TTN: variants seen among roughly 807,000 people sequenced by gnomAD.
The protein encoded by TTN is connectin.
In TTN, 1,525 loss-of-function variants were observed where a neutral mutation model predicts 3,223.0. The ratio of observed to expected loss-of-function variants is 0.47; its 90% CI spans 0.45 to 0.49. The LOEUF is 0.49. TTN is among the 20% of genes least tolerant of loss of function. TTN has a pLI of 0.00. For missense variants in TTN, 40,786 were observed against 43,424.0 expected, an observed-to-expected ratio of 0.94 and a Z score of 5.40; for synonymous variants, 14,094 against 15,161.0, an observed-to-expected ratio of 0.93 and a Z score of 5.17.
chr2:178,729,595 T>A (rs1222402362), intron 63 of TTN, 29 bp from the exon 64 acceptor site: 31 of 1,612,384 alleles, frequency 1.9e-5, no homozygotes, highest in Non-Finnish European at 2.6e-5. Context: ...GACAGTAGCT[T>A]ACTCAAGGGA....
rs373628708 is a variant in TTN at position 178,610,128 on chromosome 2, A to G, written c.51398T>C (p.Ile17133Thr). 4 of 1,612,822 alleles carry G rather than the reference A, an allele frequency of 2.5e-6. No homozygotes were observed. The highest frequency in any genetic ancestry group is 1.3e-5 in the African/African-American group (1 of 74,862). The part of the protein sequence containing the change: ...AVNKVGGGEY[I>T]ELKNPVIAQD... Reference sequence around the variant, plus strand: ...AGCAATGACTGGATTTTTCAGTTCAATATATTCTCCTCCACCAACCTTGTT... The same window carrying G: ...AGCAATGACTGGATTTTTCAGTTCAGTATATTCTCCTCCACCAACCTTGTT... The change falls in exon 271 of 363, where the codon ATT (isoleucine) becomes ACT (threonine). Residue 17133 changes from isoleucine to threonine, a missense_variant. By Grantham distance (89) the Ile-to-Thr change is moderately conservative. Transcript: ENST00000589042.
At chr2:178,669,302 A>C in intron 159 of TTN, 71 bp downstream of exon 159, 1 of 1,286,686 alleles carries the variant, frequency 7.8e-7, no homozygotes, top group African/African-American at 1.5e-5. Flanking sequence ...TTTCAAAGCT[A>C]AAAAGACAAA....
In TTN at chr2:178,633,421, G is replaced by C; in HGVS notation, c.42938C>G (p.Thr14313Ser). 1 of 1,613,382 alleles carries C rather than the reference G, an allele frequency of 6.2e-7. No homozygotes were observed. The highest frequency in any genetic ancestry group is 2.2e-5 in the East Asian group (1 of 44,758). The change falls in exon 232 of 363, where the codon ACT becomes AGT. Residue 14313 changes from threonine to serine, a missense_variant. Coordinates refer to ENST00000589042, the MANE Select transcript of TTN (RefSeq NM_001267550.2). ...CGTDKTKANV[T>S]VEARLIKVEK... ...ATTGTTGAGCAACTCACCCTCAACA[G>C]TAACATTTGCCTTGGTCTTGTCTGT... is the stretch of plus-strand genomic sequence containing the variant.
rs2069775711 is a variant in TTN, at chr2:178,682,782, A to G, written c.33009T>C (p.Tyr11003=). ...ATTGGTCATATTCTTCTGTTGGTTC[A>G]TACTCCTCAAATTCTTTATAATCAT... ...EEYDYKEFEE[Y]EPTEEYDQYE... Residue 11003 remains tyrosine, a synonymous_variant, in exon 135 of 363, where the codon TAT becomes TAC. Transcript: ENST00000589042. 6.2e-7 allele frequency: 1 copy of G among 1,612,968 alleles called. No homozygotes were observed. Among genetic ancestry groups the G allele is most frequent in the Non-Finnish European group, 8.5e-7 (1 of 1,179,264 alleles).
At position 178,566,923 on chromosome 2, in the gene TTN, C is replaced by A. The variant is rs1706091561; in HGVS notation, c.79209G>T (p.Met26403Ile). Reference protein sequence around the residue: ...LEVTNIAKDSMTVCWNRPDSD... With the variant: ...LEVTNIAKDSITVCWNRPDSD... ...TATCTGGACGGTTCCAACAGACGGT[C>A]ATGGAGTCTTTGGCAATATTTGTGA... Residue 26403 changes from methionine to isoleucine, a missense_variant, in exon 326 of 363, where the codon ATG (methionine) becomes ATT (isoleucine). Transcript: ENST00000589042. The A allele has an allele frequency of 2.5e-6, 4 of 1,613,630 alleles. No individual in the cohort carries two copies. The highest frequency in any genetic ancestry group is 8.5e-7 in the Non-Finnish European group (1 of 1,179,686).
At chr2:178,599,506 T>C (rs1349008230) in intron 289 of TTN, 48 bp downstream of exon 289, 14 of 1,519,132 alleles carry the variant, frequency 9.2e-6, no homozygotes, top group Non-Finnish European at 1.2e-5. Flanking sequence ...CAAATGTTAT[T>C]TATGAACAGA....
At position 178,567,314 on chromosome 2, in the gene TTN, C is replaced by T; in HGVS notation, c.78818G>A (p.Gly26273Asp). 1 of 1,606,462 alleles carries T rather than the reference C, an allele frequency of 6.2e-7. No individual in the cohort carries two copies. The change falls in exon 326 of 363, where the codon GGT (glycine) becomes GAT (aspartate). Residue 26273 changes from glycine (G) to aspartate (D), a missense_variant. Coordinates refer to ENST00000589042, the MANE Select transcript of TTN (RefSeq NM_001267550.2). The part of the protein sequence containing the change: ...QYILRASNVA[G>D]SKSFPVNVKV... ...TACATTTACTGGGAATGACTTAGAA[C>T]CTGCAACATTGGAAGCTCTTAAAAT...
chr2:178,794,963 C>G lies in TTN; in HGVS notation c.1204G>C (p.Ala402Pro). Residue 402 changes from alanine (A) to proline (P), a missense_variant, in exon 7 of 363, where the codon GCT (alanine) becomes CCT (proline). Physicochemically the swap from Ala to Pro is conservative, Grantham distance 27. Transcript: ENST00000589042. ...AGAAASVSAS[A>P]SYAAEAVATG... ...GCAACAGCCTCTGCTGCGTAGCTAG[C>G]ACTGGCCGACACACTGGCGGCAGCA... 6.2e-7 allele frequency: 1 copy of G among 1,605,438 alleles called. No individual in the cohort carries two copies. Among genetic ancestry groups the G allele is most frequent in the East Asian group, 2.2e-5 (1 of 44,882 alleles).
At position 178,530,884 on chromosome 2, in the gene TTN, G is replaced by A. The variant is rs2154133075; in HGVS notation, c.105731C>T (p.Pro35244Leu). 1.2e-6 allele frequency: 2 copies of A among 1,613,806 alleles called. No individual in the cohort carries two copies. Among genetic ancestry groups the A allele is most frequent in the Non-Finnish European group, 1.7e-6 (2 of 1,179,844 alleles). The change falls in exon 358 of 363, where the codon CCA (proline) becomes CTA (leucine). Residue 35244 changes from proline (P) to leucine (L), a missense_variant. Transcript: ENST00000589042. ...TCGTTTTGGAGACTTAACTGCTTCT[G>A]GGGATTTCACCCGAGGCTCTGGGGA... The part of the protein sequence containing the change: ...VKSPEPRVKS[P>L]EAVKSPKRVK...
In TTN at chr2:178,664,109, A is replaced by G. The variant is rs763712438; in HGVS notation, c.36281-11T>C. 18 of 1,602,770 alleles carry G rather than the reference A, an allele frequency of 1.1e-5. No homozygotes were observed. Among genetic ancestry groups the G allele is most frequent in the Non-Finnish European group, 1.4e-5 (16 of 1,176,432 alleles). ...TGGGAGCTTCGTGCACTTGAAAGAT[A>G]TTAGTATTTTTACACTCAGAAAATA... On this transcript the variant is annotated splice_polypyrimidine_tract_variant and intron_variant, in intron 168 of 362. Transcript: ENST00000589042.
chr2:178,533,733 T>G lies in TTN; in HGVS notation c.102882A>C (p.Ser34294=). The part of the protein sequence containing the change: ...HPEPHVTWYK[S]GQKIKPGDND... ...TGTCACCTGGTTTGATTTTCTGACC[T>G]GATTTATACCATGTTACATGAGGCT... The change falls in exon 358 of 363, where the codon TCA becomes TCC. Residue 34294 remains serine, a synonymous_variant. Transcript: ENST00000589042. The G allele has an allele frequency of 6.2e-7, 1 of 1,613,986 alleles. No homozygotes were observed. The highest frequency in any genetic ancestry group is 8.5e-7 in the Non-Finnish European group (1 of 1,179,878).
chr2:178,750,119 C>T, intron 47 of TTN: 1 of 1,613,090 alleles, frequency 6.2e-7, no homozygotes, highest in Admixed American at 1.7e-5. Context: ...TTCTGTGTCT[C>T]CAGAGGGAGG....
In TTN at chr2:178,646,036, AAG is replaced by A. The variant is rs1281531331; in HGVS notation, c.40298-8_40298-7del. 1 of 1,521,038 alleles carries A rather than the reference AAG, an allele frequency of 6.6e-7. No homozygotes were observed. The highest frequency in any genetic ancestry group is 2.2e-5 in the Admixed American group (1 of 45,976). 94.2% of individuals were successfully genotyped at this position (1,521,038 alleles called of 1,614,324 possible). A position where few individuals can be genotyped will look rare whatever the true frequency, so the allele number is the denominator to read the frequency against. ...AACCTTTTCAGGTTCAGGTTCTTGA[AAG>A]AGTATTTCAGAGGTGTTAGTATATG... On this transcript the variant is annotated splice_region_variant and splice_polypyrimidine_tract_variant and intron_variant, in intron 216 of 362. Transcript: ENST00000589042.
Position 178,539,375 on chromosome 2 carries a change from C to CACTT in TTN, c.98683+3_98683+6dup, listed in dbSNP as rs774207808. 1 of 1,607,964 alleles carries CACTT rather than the reference C, an allele frequency of 6.2e-7. No homozygotes were observed. Among genetic ancestry groups the CACTT allele is most frequent in the Non-Finnish European group, 8.5e-7 (1 of 1,175,490 alleles). On this transcript the variant is annotated splice_region_variant and intron_variant, in intron 352 of 362. Transcript: ENST00000589042. ...GTTTATAATTTTGTGGTTGAAAGGG[C>CACTT]ACTTACTCAATGGTGTTTTTGGTGT...
chr2:178,581,286 T>C (rs2047681823), intron 316 of TTN, among the ~76,000 whole-genome samples: 1 of 152,146 alleles, frequency 6.6e-6, no homozygotes, highest in Admixed American at 6.5e-5. Context: ...TTCTTATATA[T>C]ATGAAAAGCT....
At chr2:178,727,951 T>C in intron 67 of TTN, 88 bp from the exon 68 acceptor site, 3 of 1,443,302 alleles carry the variant, frequency 2.1e-6, no homozygotes, top group Non-Finnish European at 2.7e-6. Context: ...AAAACACTCT[T>C]GGAAAGAGGC....
In TTN at chr2:178,567,653, T is replaced by G; in HGVS notation, c.78479A>C (p.Glu26160Ala). 1 of 1,612,464 alleles carries G rather than the reference T, an allele frequency of 6.2e-7. No homozygotes were observed. Among genetic ancestry groups the G allele is most frequent in the Admixed American group, 1.7e-5 (1 of 59,934 alleles). The change falls in exon 326 of 363, where the codon GAA becomes GCA. Residue 26160 changes from glutamate (E) to alanine (A), a missense_variant. Glu to Ala is a moderately radical substitution (Grantham distance 107, BLOSUM62 -1). Transcript: ENST00000589042. ...TGCATTCTTTGCAATGACTCTGAATTCATATCTTTGATCTTCAGTAAGACC... is the reference window on the plus strand; with the variant it reads ...TGCATTCTTTGCAATGACTCTGAATGCATATCTTTGATCTTCAGTAAGACC... ...VSGLTEDQRY[E>A]FRVIAKNAAG...
At chr2:178,630,741 C>G (rs570167788) in intron 238 of TTN, 63 bp downstream of exon 238, 1 of 1,558,264 alleles carries the variant, frequency 6.4e-7, no homozygotes, top group African/African-American at 1.4e-5. Context: ...CTCTGACTTT[C>G]ACCTGTTCTT....
At chr2:178,664,180 G>C (rs1366039129) in intron 168 of TTN, 82 bp from the exon 169 acceptor site, 5 of 1,380,672 alleles carry the variant, frequency 3.6e-6, no homozygotes, top group Non-Finnish European at 4.9e-6. Flanking sequence ...GAACAAAAGA[G>C]CTATTTTTTT....
Sources: gnomAD v4.1 joint callset for allele counts (sites outside exome capture counted in the v4.1 genomes callset) on GRCh38, gnomAD v4.1.1 for gene constraint, MANE v1.5 for transcripts, NCBI Gene and HGNC (gene_info 2026-07-23, HGNC 2026-07-21) for gene names.